RABEPK: variants seen among roughly 807,000 people sequenced by gnomAD.
RABEPK encodes Rab9 effector protein with kelch motifs.
A neutral mutation model predicts 34.1 loss-of-function variants in RABEPK; 27 were observed. The observed-to-expected ratio is 0.79, with a 90% confidence interval of 0.58 to 1.09. The LOEUF is 1.09. Ranked by LOEUF, RABEPK falls within the 50% of genes least tolerant of loss-of-function variation. The probability of loss-of-function intolerance (pLI) is 0.00; values close to 1 mark genes in which losing one functional copy is unlikely to be tolerated. For missense variants in RABEPK, 449 were observed against 462.6 expected (o/e 0.97, Z 0.27); for synonymous variants, 172 against 169.2 (o/e 1.02, Z -0.13).
rs544873868 is a variant in RABEPK, at chr9:125,212,773, G to A, written c.212-597G>A. ...AAGTAAAATAACCCTGGGTTCAAGC[G>A]AGTCCCCTACCTCAGCCTCCCGAGT... On this transcript the variant is annotated intron_variant, in intron 3 of 7. Transcript: ENST00000373538. 9.9e-5 allele frequency among the ~76,000 whole-genome samples: 15 copies of A among 150,862 alleles called. No homozygotes were observed. The South Asian group carries it at 2.5e-3, about 25-fold the overall frequency.
At chr9:125,201,653 G>A (rs28637256) in intron 1 of RABEPK, among the ~76,000 whole-genome samples, 3,905 of 151,710 alleles carry the variant, frequency 0.026, 192 homozygotes, top group East Asian at 0.23. Context: ...TTGCTCTGTC[G>A]CCAGGCTGGA....
At chr9:125,207,465 G>A in intron 2 of RABEPK, 99 bp from the exon 3 acceptor site, 1 of 1,278,720 alleles carries the variant, frequency 7.8e-7, no homozygotes, top group South Asian at 1.3e-5. Flanking sequence ...GTCTGCATAA[G>A]GCTCTTCATT....
In RABEPK at chr9:125,234,109, A is replaced by C. The variant is rs1410669098; in HGVS notation, c.*129A>C. 5 of 978,622 alleles carry C rather than the reference A, an allele frequency of 5.1e-6. No homozygotes were observed. The highest frequency in any genetic ancestry group is 7.7e-6 in the Non-Finnish European group (5 of 651,380). The allele number at this position is 978,622 out of a possible 1,614,324, so 60.6% of individuals were successfully genotyped here. A position where few individuals can be genotyped will look rare whatever the true frequency, so the allele number is the denominator to read the frequency against. On this transcript the variant is annotated 3_prime_UTR_variant, in exon 8 of 8. Coordinates refer to ENST00000373538, the MANE Select transcript of RABEPK (RefSeq NM_005833.4). ...TTCTCCTACTTTGGTAGGTGAAGAA[A>C]CTAATGCAAATAATTCTTATGTGCA...
Position 125,232,652 on chromosome 9 carries a change from G to A in RABEPK, c.733G>A (p.Ala245Thr). ...TGGGGCTGCTCCAGCAGGCTGTGCT[G>A]CCCACTCAGCTGTGGCCATGGGAAA... ...PTGAAPAGCA[A>T]HSAVAMGKHV... Residue 245 changes from alanine to threonine, a missense_variant, in exon 7 of 8, where the codon GCC becomes ACC. Ala to Thr is a moderately conservative substitution (Grantham distance 58). Coordinates refer to ENST00000373538, the MANE Select transcript of RABEPK (RefSeq NM_005833.4). The A allele has an allele frequency of 6.2e-7, 1 of 1,614,144 alleles. No individual in the cohort carries two copies. The highest frequency in any genetic ancestry group is 8.5e-7 in the Non-Finnish European group (1 of 1,179,986).
intron 2 of RABEPK, among the ~76,000 whole-genome samples, chr9:125,205,089 C>G (rs1254079648): frequency 6.6e-6 from 1 of 152,070 alleles, no homozygotes; most frequent in Non-Finnish European, 1.5e-5. Flanking sequence ...TCCCAAAGTG[C>G]TGAGATTACA....
intron 5 of RABEPK, among the ~76,000 whole-genome samples, chr9:125,225,999 A>AG (rs1831715212): frequency 6.6e-6 from 1 of 151,034 alleles, no homozygotes; most frequent in Non-Finnish European, 1.5e-5. Flanking sequence ...AAAAAAAAAA[A>AG]TTTAGCTGGG....
chr9:125,225,797 A>G (rs1831691590), intron 5 of RABEPK, among the ~76,000 whole-genome samples: 1 of 151,766 alleles, frequency 6.6e-6, no homozygotes, highest in Non-Finnish European at 1.5e-5. Context: ...CGTATCTACT[A>G]AAAAACATAC....
intron 2 of RABEPK, among the ~76,000 whole-genome samples, chr9:125,204,293 G>A: frequency 6.7e-6 from 1 of 150,002 alleles, no homozygotes; most frequent in Admixed American, 6.7e-5. Context: ...AGAAAAATCA[G>A]ACTCCTGACC....
intron 3 of RABEPK, among the ~76,000 whole-genome samples, chr9:125,211,713 C>A (rs527662303): frequency 6.6e-6 from 1 of 152,046 alleles, no homozygotes; most frequent in Admixed American, 6.6e-5. Flanking sequence ...GAGGTGTAAT[C>A]CCCCAGCACC....
chr9:125,220,402 G>A lies in RABEPK; in HGVS notation c.365-137G>A, dbSNP rs752990241. ...CTTCATTCTTCCTTGATGTTTGTGA[G>A]TATGAGATCCCTGCCCAAAACTATG... On this transcript the variant is annotated intron_variant, in intron 4 of 7. Transcript: ENST00000373538. 8 of 1,472,820 alleles carry A rather than the reference G, an allele frequency of 5.4e-6. No individual in the cohort carries two copies. In the African/African-American group the frequency reaches 1.1e-4, roughly 21 times the overall value. 91.2% of individuals were successfully genotyped at this position (1,472,820 alleles called of 1,614,324 possible).
At chr9:125,227,880 C>T (rs1831874717) in intron 5 of RABEPK, 30 bp from the exon 6 acceptor site, 1 of 1,506,734 alleles carries the variant, frequency 6.6e-7, no homozygotes, top group Non-Finnish European at 8.9e-7. Context: ...ATAGTTTTGC[C>T]ATTTGATGTT....
intron 3 of RABEPK, among the ~76,000 whole-genome samples, chr9:125,211,666 T>C (rs759232021): frequency 3.9e-4 from 59 of 152,206 alleles, no homozygotes; most frequent in Non-Finnish European, 8.5e-4. Context: ...TTTGAATTTC[T>C]ACTCCCTGCA....
intron 1 of RABEPK, among the ~76,000 whole-genome samples, chr9:125,202,795 A>G (rs2131363199): frequency 6.6e-6 from 1 of 152,214 alleles, no homozygotes; most frequent in South Asian, 2.1e-4. Flanking sequence ...TTGCCATTGC[A>G]CTCCAGCCTG....
At chr9:125,205,802 A>T (rs1034516828) in intron 2 of RABEPK, among the ~76,000 whole-genome samples, 1 of 152,086 alleles carries the variant, frequency 6.6e-6, no homozygotes, top group South Asian at 2.1e-4. Context: ...AAGGGGTTTT[A>T]TGTAGATTAA....
intron 5 of RABEPK, chr9:125,222,143 A>C (rs1588387098): frequency 6.6e-6 from 1 of 151,200 alleles, no homozygotes; most frequent in Non-Finnish European, 1.5e-5. Flanking sequence ...AAGAGATAGC[A>C]CATTCCCAAG....
rs775040921 is a variant in RABEPK at position 125,228,008 on chromosome 9, G to A, written c.625G>A (p.Gly209Arg). 2.5e-5 allele frequency: 40 copies of A among 1,605,692 alleles called. No individual in the cohort carries two copies. Among genetic ancestry groups the A allele is most frequent in the East Asian group, 1.8e-4 (8 of 44,206 alleles). ...AGCAGGGACAAAGCTCTTCATCCACGGAGGCTTGGCGGGGGACAGATTCTA... is the reference window on the plus strand; with the variant it reads ...AGCAGGGACAAAGCTCTTCATCCACAGAGGCTTGGCGGGGGACAGATTCTA... Reference protein sequence around the residue: ...VAAGTKLFIHGGLAGDRFYDD... With the variant: ...VAAGTKLFIHRGLAGDRFYDD... Residue 209 changes from glycine to arginine, a missense_variant, in exon 6 of 8, where the codon GGA (glycine) becomes AGA (arginine). Transcript: ENST00000373538.
In RABEPK at chr9:125,224,173, G is replaced by A. The variant is rs145283437; in HGVS notation, c.526+3473G>A. Reference sequence around the variant, plus strand: ...ATCGCACCACTGCACTCCAGCCTGGGCAACAGAGCAACACTCTATCTCAAA... The same window carrying A: ...ATCGCACCACTGCACTCCAGCCTGGACAACAGAGCAACACTCTATCTCAAA... On this transcript the variant is annotated intron_variant, in intron 5 of 7. Transcript: ENST00000373538. Among the ~76,000 whole-genome samples, 406 of 147,142 alleles carry A rather than the reference G, an allele frequency of 2.8e-3. 2 individuals carry two copies. Among genetic ancestry groups the A allele is most frequent in the African/African-American group, 9.9e-3 (395 of 39,764 alleles).
At chr9:125,212,464 C>G (rs1830648151) in intron 3 of RABEPK, among the ~76,000 whole-genome samples, 1 of 152,030 alleles carries the variant, frequency 6.6e-6, no homozygotes, top group Non-Finnish European at 1.5e-5. Context: ...CATGATCCGC[C>G]CACCTCGGCC....
intron 6 of RABEPK, among the ~76,000 whole-genome samples, chr9:125,231,573 TG>T (rs1378060103): frequency 6.6e-6 from 1 of 151,736 alleles, no homozygotes; most frequent in African/African-American, 2.4e-5. Flanking sequence ...GAGGCCGAGG[TG>T]GGTGGATCAC....
Sources: allele counts gnomAD v4.1 joint callset (sites outside exome capture counted in the v4.1 genomes callset), GRCh38; gene constraint gnomAD v4.1.1; transcripts MANE v1.5; gene names NCBI Gene and HGNC (gene_info 2026-07-23, HGNC 2026-07-21).